The following MTUS2 variants were observed in gnomAD, a reference collection of about 807,000 sequenced individuals.
MTUS2 encodes microtubule-associated tumor suppressor candidate 2.
MTUS2 carries 40 observed loss-of-function variants against 114.1 expected under a neutral mutation model. The ratio of observed to expected loss-of-function variants is 0.35; its 90% CI spans 0.27 to 0.46. The LOEUF is 0.46. Among genes scored for constraint, MTUS2 ranks in the 20% least tolerant of loss-of-function variants. The probability of loss-of-function intolerance (pLI) is 1.00; values close to 1 mark genes in which losing one functional copy is unlikely to be tolerated. For synonymous variants in MTUS2, 688 were observed against 672.0 expected, an observed-to-expected ratio of 1.02 and a Z score of -0.37; for missense variants, 1,679 against 1,705.4, an observed-to-expected ratio of 0.98 and a Z score of 0.27.
chr13:29,379,461 C>T (rs985096717), intron 8 of MTUS2, among the ~76,000 whole-genome samples: 1 of 152,130 alleles, frequency 6.6e-6, no homozygotes, highest in African/African-American at 2.4e-5. Flanking sequence ...CAAAGGCCAC[C>T]TACAGGACGC....
At chr13:29,131,379 C>T (rs1342548680) in intron 5 of MTUS2, among the ~76,000 whole-genome samples, 1 of 152,256 alleles carries the variant, frequency 6.6e-6, no homozygotes, top group Non-Finnish European at 1.5e-5. Context: ...GGATATGAGA[C>T]AGCTAACTTA....
chr13:28,884,681 C>T (rs1878486789), intron 2 of MTUS2, among the ~76,000 whole-genome samples: 2 of 152,064 alleles, frequency 1.3e-5, no homozygotes, highest in Admixed American at 1.3e-4. Flanking sequence ...GTAGATGTAC[C>T]AATGCAGTTT....
At chr13:29,433,003 A>G (rs933359627) in intron 8 of MTUS2, among the ~76,000 whole-genome samples, 1 of 152,244 alleles carries the variant, frequency 6.6e-6, no homozygotes, top group African/African-American at 2.4e-5. Context: ...TAAGTGATAC[A>G]CAAATGGATT....
At chr13:29,047,523 T>TTTTTTC (rs1887681769) in intron 4 of MTUS2, among the ~76,000 whole-genome samples, 1 of 151,608 alleles carries the variant, frequency 6.6e-6, no homozygotes, top group Non-Finnish European at 1.5e-5. Context: ...TTTTTTTTTT[T>TTTTTTC]TTTTTTCTGA....
chr13:29,226,479 A>G (rs1259930059), intron 5 of MTUS2, among the ~76,000 whole-genome samples: 1 of 152,196 alleles, frequency 6.6e-6, no homozygotes, highest in Non-Finnish European at 1.5e-5. Context: ...TCCCTCAGTC[A>G]GAGGCCACCA....
In MTUS2 at chr13:29,339,083, A is replaced by T. The variant is rs138260457; in HGVS notation, c.2905+14372A>T. 3.1e-3 allele frequency among the ~76,000 whole-genome samples: 467 copies of T among 152,258 alleles called. 1 individual carries two copies. Among genetic ancestry groups the T allele is most frequent in the Non-Finnish European group, 4.8e-3 (327 of 68,016 alleles). ...GGGCCCTGACTCTAGGCTGGGCTGC[A>T]GGCTGGGTGTGCGCAGAGGTACATG... On this transcript the variant is annotated intron_variant, in intron 7 of 15. Transcript: ENST00000612955.
chr13:29,087,324 T>A (rs2479793), intron 4 of MTUS2, among the ~76,000 whole-genome samples: 98,258 of 152,122 alleles, frequency 0.65, 32,839 homozygotes, highest in Non-Finnish European at 0.74. Flanking sequence ...GATGTTGAAT[T>A]TTATTGAAAG....
rs1871541350 is a variant in MTUS2 at position 29,375,526 on chromosome 13, TATATATA to T, written c.3117+16054_3117+16060del. Among the ~76,000 whole-genome samples, 4 of 20,592 alleles carry T rather than the reference TATATATA, an allele frequency of 1.9e-4. 1 individual carries two copies. The Admixed American group carries it at 2.6e-3, about 13-fold the overall frequency. 13.5% of individuals were successfully genotyped at this position (20,592 alleles called of 152,430 possible). On this transcript the variant is annotated intron_variant, in intron 8 of 15. Coordinates refer to ENST00000612955, the MANE Select transcript of MTUS2 (RefSeq NM_001033602.4). Reference sequence around the variant, plus strand: ...TTTGCACCAGCCTACTATATATATATATATATATATACGTGTATATATATATATATAC... The same window carrying T: ...TTTGCACCAGCCTACTATATATATATTATACGTGTATATATATATATATAC...
At chr13:29,497,512 T>G (rs562877141) in intron 13 of MTUS2, 176 bp downstream of exon 13, 1 of 611,726 alleles carries the variant, frequency 1.6e-6, no homozygotes, top group South Asian at 2.0e-5. Context: ...AGCTCTCCCC[T>G]GAGACAGACA....
At chr13:28,939,710 C>T (rs937496054) in intron 2 of MTUS2, among the ~76,000 whole-genome samples, 69 of 151,532 alleles carry the variant, frequency 4.6e-4, no homozygotes, top group African/African-American at 1.6e-3. Flanking sequence ...AGTTCACCTG[C>T]TGAAAAAACT....
At chr13:29,453,174 A>G (rs888669380) in intron 9 of MTUS2, among the ~76,000 whole-genome samples, 1 of 152,248 alleles carries the variant, frequency 6.6e-6, no homozygotes, top group African/African-American at 2.4e-5. Context: ...GATAATAAAT[A>G]GCAAGAAAAA....
At chr13:29,308,081 A>T (rs761979892) in intron 6 of MTUS2, among the ~76,000 whole-genome samples, 1 of 152,364 alleles carries the variant, frequency 6.6e-6, no homozygotes, top group Non-Finnish European at 1.5e-5. Context: ...GAACCAAAAA[A>T]GATCCTGAAT....
At chr13:29,070,366 AATGTT>A (rs1888860247) in intron 4 of MTUS2, among the ~76,000 whole-genome samples, 1 of 152,186 alleles carries the variant, frequency 6.6e-6, no homozygotes, top group Admixed American at 6.5e-5. Context: ...AAACTTGCAG[AATGTT>A]AATATTTTTG....
intron 2 of MTUS2, among the ~76,000 whole-genome samples, chr13:28,905,353 C>G (rs1879927505): frequency 1.3e-5 from 2 of 151,524 alleles, no homozygotes; most frequent in Admixed American, 6.6e-5. Context: ...GGGAATGCTT[C>G]CGGTTTTTGT....
chr13:29,054,163 G>A (rs911865112), intron 4 of MTUS2, among the ~76,000 whole-genome samples: 11 of 152,084 alleles, frequency 7.2e-5, no homozygotes, highest in Admixed American at 7.2e-4. Flanking sequence ...CTCTGATAAT[G>A]AATGATGTTG....
At chr13:29,269,128 G>T (rs115462587) in intron 5 of MTUS2, among the ~76,000 whole-genome samples, 1,891 of 152,300 alleles carry the variant, frequency 0.012, 38 homozygotes, top group African/African-American at 0.044. Context: ...AATGAATATA[G>T]TCAGGTCAGA....
At chr13:29,379,493 C>T (rs899704143) in intron 8 of MTUS2, among the ~76,000 whole-genome samples, 11 of 152,188 alleles carry the variant, frequency 7.2e-5, no homozygotes, top group African/African-American at 2.7e-4. Flanking sequence ...AGCCAAGGAC[C>T]ATGATTCCCA....
intron 4 of MTUS2, among the ~76,000 whole-genome samples, chr13:29,078,504 C>G (rs1889297663): frequency 6.6e-6 from 1 of 152,200 alleles, no homozygotes; most frequent in Non-Finnish European, 1.5e-5. Flanking sequence ...AATTCGTGTA[C>G]TATATGCAAT....
chr13:29,114,738 C>T (rs769553873), intron 5 of MTUS2, among the ~76,000 whole-genome samples: 157 of 152,248 alleles, frequency 1.0e-3, no homozygotes, highest in Non-Finnish European at 1.9e-3. Context: ...TCCAGCTGCT[C>T]GCTTGCCCTG....
Sources: allele counts gnomAD v4.1 joint callset (sites outside exome capture counted in the v4.1 genomes callset), GRCh38; gene constraint gnomAD v4.1.1; transcripts MANE v1.5; gene names NCBI Gene and HGNC (gene_info 2026-07-23, HGNC 2026-07-21).